Variants in SLIT2 observed in about 807,000 individuals in gnomAD.
SLIT2 encodes slit guidance ligand 2.
In SLIT2, 41 loss-of-function variants were observed where a neutral mutation model predicts 185.7. That is an observed-to-expected ratio of 0.22 (90% CI 0.17 to 0.29). SLIT2 has a LOEUF of 0.29. Ranked by LOEUF, SLIT2 falls within the 10% of genes least tolerant of loss-of-function variation. SLIT2 has a pLI of 1.00. For missense variants in SLIT2, 1,571 were observed against 1,909.0 expected, an observed-to-expected ratio of 0.82 and a Z score of 3.30; for synonymous variants, 693 against 680.2, an observed-to-expected ratio of 1.02 and a Z score of -0.29.
At chr4:20,373,232 G>A (rs1251822592) in intron 4 of SLIT2, among the ~76,000 whole-genome samples, 1 of 151,984 alleles carries the variant, frequency 6.6e-6, no homozygotes, top group Non-Finnish European at 1.5e-5. Flanking sequence ...TCATACTCAA[G>A]AAAACTGCTT....
intron 4 of SLIT2, among the ~76,000 whole-genome samples, chr4:20,306,920 T>A (rs997765561): frequency 5.9e-5 from 9 of 152,002 alleles, no homozygotes; most frequent in Non-Finnish European, 7.4e-5. Context: ...CTTAAAAAAA[T>A]ATATATAAAT....
chr4:20,589,505 T>A, intron 29 of SLIT2, 139 bp from the exon 30 acceptor site: 1 of 664,672 alleles, frequency 1.5e-6, no homozygotes, highest in South Asian at 1.8e-5. Flanking sequence ...CCTTGTGGCT[T>A]TTGTTTTGGG....
intron 4 of SLIT2, among the ~76,000 whole-genome samples, chr4:20,368,219 C>CAAAAAAAAAAAAAAAAA (rs71653879): frequency 3.7e-5 from 4 of 107,398 alleles, no homozygotes; most frequent in East Asian, 2.6e-4. Context: ...CACAAAATAG[C>CAAAAAAAAAAAAAAAAA]AAAAAAAAAA....
At chr4:20,548,261 A>C (rs1396993675) in intron 22 of SLIT2, among the ~76,000 whole-genome samples, 5 of 152,122 alleles carry the variant, frequency 3.3e-5, no homozygotes. Flanking sequence ...GGCTAAAGCA[A>C]TGCATATATA....
chr4:20,500,573 A>T (rs899953134), intron 9 of SLIT2, among the ~76,000 whole-genome samples: 6 of 152,186 alleles, frequency 3.9e-5, no homozygotes, highest in Non-Finnish European at 7.4e-5. Flanking sequence ...GTACTCTTAA[A>T]AAGTGTCTTG....
At chr4:20,573,815 G>C (rs376614491) in intron 29 of SLIT2, among the ~76,000 whole-genome samples, 1 of 151,938 alleles carries the variant, frequency 6.6e-6, no homozygotes, top group Non-Finnish European at 1.5e-5. Context: ...TTGTGTTATA[G>C]GATACCGTGA....
chr4:20,488,071 C>T (rs145461412), intron 7 of SLIT2, among the ~76,000 whole-genome samples: 43 of 152,242 alleles, frequency 2.8e-4, no homozygotes, highest in Middle Eastern at 3.4e-3. Context: ...TTAGTGGATA[C>T]ATTTGTCTGA....
chr4:20,482,845 A>C (rs1322976673), intron 6 of SLIT2, among the ~76,000 whole-genome samples: 2 of 150,872 alleles, frequency 1.3e-5, no homozygotes, highest in Non-Finnish European at 2.9e-5. Flanking sequence ...TTTTTTTTCA[A>C]TCCTCATACT....
At chr4:20,554,372 G>T (rs1368536404) in intron 26 of SLIT2, 1 of 458,896 alleles carries the variant, frequency 2.2e-6, no homozygotes, top group Non-Finnish European at 4.4e-6. Context: ...CCAGTGTTCA[G>T]CCCAAACCTT....
At chr4:20,271,443 ATATAAT>A (rs1289000403) in intron 4 of SLIT2, among the ~76,000 whole-genome samples, 1 of 146,442 alleles carries the variant, frequency 6.8e-6, no homozygotes, top group Non-Finnish European at 1.5e-5. Flanking sequence ...GTAATATAAT[ATATAAT>A]TAATTTATAT....
intron 24 of SLIT2, 119 bp downstream of exon 24, chr4:20,549,247 T>C: frequency 1.7e-6 from 1 of 585,486 alleles, no homozygotes; most frequent in Non-Finnish European, 3.0e-6. Flanking sequence ...TGCATTAGGA[T>C]TTATTATAAA....
intron 4 of SLIT2, among the ~76,000 whole-genome samples, chr4:20,371,923 T>C (rs989409122): frequency 1.3e-5 from 2 of 152,068 alleles, no homozygotes; most frequent in Admixed American, 1.3e-4. Context: ...AATAGGAATG[T>C]TTTAGGAAGA....
At chr4:20,437,796 T>C (rs1352521124) in intron 4 of SLIT2, among the ~76,000 whole-genome samples, 1 of 151,084 alleles carries the variant, frequency 6.6e-6, no homozygotes, top group African/African-American at 2.4e-5. Flanking sequence ...GCACCTGTAG[T>C]CCCAGCTACT....
chr4:20,427,565 G>A lies in SLIT2; in HGVS notation c.396-40187G>A, dbSNP rs1050815530. On this transcript the variant is annotated intron_variant, in intron 4 of 36. Coordinates refer to ENST00000504154, the MANE Select transcript of SLIT2 (RefSeq NM_004787.4). Reference sequence around the variant, plus strand: ...TTTGTGTCCAAAGTTAATTAATAACGGCTGCAGGCCAGTGTTCTTGTAGGA... The same window carrying A: ...TTTGTGTCCAAAGTTAATTAATAACAGCTGCAGGCCAGTGTTCTTGTAGGA... 4.6e-5 allele frequency among the ~76,000 whole-genome samples: 7 copies of A among 152,086 alleles called. No homozygotes were observed. In the South Asian group the frequency reaches 1.0e-3, roughly 23 times the overall value.
intron 4 of SLIT2, among the ~76,000 whole-genome samples, chr4:20,462,920 C>T (rs1197030993): frequency 2.0e-5 from 3 of 152,114 alleles, no homozygotes; most frequent in Non-Finnish European, 2.9e-5. Context: ...AAAAGAGTCT[C>T]CAAGTAGAAT....
intron 4 of SLIT2, among the ~76,000 whole-genome samples, chr4:20,376,524 C>T (rs900018912): frequency 6.6e-5 from 10 of 152,034 alleles, no homozygotes; most frequent in Non-Finnish European, 1.5e-5. Context: ...CGAAATCCCC[C>T]TGTCCGTGCA....
chr4:20,540,518 T>C (rs1051367027), intron 19 of SLIT2, among the ~76,000 whole-genome samples: 1 of 151,800 alleles, frequency 6.6e-6, no homozygotes, highest in African/African-American at 2.4e-5. Context: ...TAAATAAAAT[T>C]TAAAAGTAAA....
intron 9 of SLIT2, among the ~76,000 whole-genome samples, chr4:20,499,876 T>C (rs1468761434): frequency 6.6e-6 from 1 of 152,200 alleles, no homozygotes; most frequent in Non-Finnish European, 1.5e-5. Context: ...TTAAAATAAT[T>C]ATAAGTACTC....
intron 4 of SLIT2, among the ~76,000 whole-genome samples, chr4:20,291,476 ATATATATATATATATATTTTTTTTT>A (rs1483526790): frequency 1.8e-3 from 27 of 15,410 alleles, no homozygotes; most frequent in East Asian, 0.011. Flanking sequence ...ATATATATAT[ATATATATATATATATATTTTTTTTT>A]TTTTTTTTTT....
Sources: gnomAD v4.1 joint callset for allele counts (sites outside exome capture counted in the v4.1 genomes callset) on GRCh38, gnomAD v4.1.1 for gene constraint, MANE v1.5 for transcripts, NCBI Gene and HGNC (gene_info 2026-07-23, HGNC 2026-07-21) for gene names.